NAALADL2: variants seen among roughly 807,000 people sequenced by gnomAD.
The protein encoded by NAALADL2 is inactive N-acetylated-alpha-linked acidic dipeptidase-like protein 2.
Under a neutral mutation model 87.2 loss-of-function variants are expected in NAALADL2, and 76 were observed. That is an observed-to-expected ratio of 0.87 (90% CI 0.72 to 1.05). The LOEUF is 1.05. Ranked by LOEUF, NAALADL2 falls within the 50% of genes least tolerant of loss-of-function variation. The pLI is 0.00. For synonymous variants in NAALADL2, 354 were observed against 331.0 expected, an observed-to-expected ratio of 1.07 and a Z score of -0.75; for missense variants, 1,089 against 945.8, an observed-to-expected ratio of 1.15 and a Z score of -1.99.
chr3:175,678,714 G>C (rs140264076), intron 11 of NAALADL2, among the ~76,000 whole-genome samples: 4,316 of 152,246 alleles, frequency 0.028, 99 homozygotes, highest in Non-Finnish European at 0.04. Context: ...TCACACACCA[G>C]GGCCTGTCGT....
intron 2 of NAALADL2, among the ~76,000 whole-genome samples, chr3:175,226,744 G>T (rs555118691): frequency 5.9e-5 from 9 of 152,018 alleles, no homozygotes; most frequent in Non-Finnish European, 1.3e-4. Flanking sequence ...TTGTTTCATT[G>T]GCATGCCATT....
intron 10 of NAALADL2, among the ~76,000 whole-genome samples, chr3:175,615,985 TATATC>T (rs1025986708): frequency 2.0e-5 from 3 of 147,412 alleles, no homozygotes; most frequent in African/African-American, 4.9e-5. Flanking sequence ...TAATATATAT[TATATC>T]ATATATACAT....
chr3:175,280,575 G>C (rs1754160755), intron 4 of NAALADL2, among the ~76,000 whole-genome samples: 1 of 152,052 alleles, frequency 6.6e-6, no homozygotes, highest in African/African-American at 2.4e-5. Context: ...GATGCTGCTT[G>C]AAGTACATAT....
intron 3 of NAALADL2, among the ~76,000 whole-genome samples, chr3:174,832,298 G>C (rs1722816086): frequency 6.6e-6 from 1 of 151,738 alleles, no homozygotes; most frequent in East Asian, 1.9e-4. Flanking sequence ...CAGAGATTCT[G>C]GTATGTTTTG....
Position 175,205,108 on chromosome 3 carries a change from A to G in NAALADL2, c.546-28823A>G, listed in dbSNP as rs1317985061. On this transcript the variant is annotated intron_variant, in intron 2 of 13. Coordinates refer to ENST00000454872, the MANE Select transcript of NAALADL2 (RefSeq NM_207015.3). ...CAAAGAACTAGAAAAAAACACTTCT[A>G]AAATTCATATGGAACCAAAAAAGTG... Among the ~76,000 whole-genome samples, 7 of 152,316 alleles carry G rather than the reference A, an allele frequency of 4.6e-5. No individual in the cohort carries two copies. The East Asian group carries it at 1.2e-3, about 25-fold the overall frequency.
chr3:174,681,542 C>T (rs1285845137), intron 2 of NAALADL2, among the ~76,000 whole-genome samples: 2 of 152,114 alleles, frequency 1.3e-5, no homozygotes, highest in African/African-American at 2.4e-5. Context: ...ACCTGATACC[C>T]CCATTCCAGG....
intron 11 of NAALADL2, chr3:175,718,728 C>G (rs549474790): frequency 8.0e-7 from 1 of 1,245,706 alleles, no homozygotes; most frequent in South Asian, 1.3e-5. Flanking sequence ...GAGATCAAGA[C>G]CAACCTGGGC....
chr3:175,677,338 G>A (rs1019249892), intron 11 of NAALADL2, among the ~76,000 whole-genome samples: 1 of 151,798 alleles, frequency 6.6e-6, no homozygotes, highest in African/African-American at 2.4e-5. Flanking sequence ...ACTCCAGCCT[G>A]GCAACAGAGT....
chr3:175,279,298 T>C (rs962498004), intron 4 of NAALADL2, among the ~76,000 whole-genome samples: 1 of 152,154 alleles, frequency 6.6e-6, no homozygotes, highest in Non-Finnish European at 1.5e-5. Flanking sequence ...TTGAAATTAC[T>C]AAAATATTCT....
intron 11 of NAALADL2, among the ~76,000 whole-genome samples, chr3:175,715,950 ATCCT>A (rs772246238): frequency 1.3e-5 from 2 of 151,888 alleles, no homozygotes; most frequent in Middle Eastern, 3.4e-3. Context: ...ATCTTTACAA[ATCCT>A]TCATTCATTC....
At chr3:175,540,938 G>T (rs1712208627) in intron 9 of NAALADL2, among the ~76,000 whole-genome samples, 1 of 152,150 alleles carries the variant, frequency 6.6e-6, no homozygotes, top group Admixed American at 6.5e-5. Flanking sequence ...TCAGGAATTG[G>T]ATCAGGTAGG....
chr3:174,741,770 TATCAACTTTTA>T (rs1205652589), intron 3 of NAALADL2, among the ~76,000 whole-genome samples: 1 of 151,754 alleles, frequency 6.6e-6, no homozygotes, highest in Admixed American at 6.6e-5. Context: ...ATTTCAAAGA[TATCAACTTTTA>T]ATCATATTAA....
At chr3:175,148,404 G>A (rs532183669) in intron 2 of NAALADL2, among the ~76,000 whole-genome samples, 2 of 151,926 alleles carry the variant, frequency 1.3e-5, no homozygotes, top group Non-Finnish European at 2.9e-5. Context: ...TGTTGATTTT[G>A]TTGATAGTTT....
chr3:174,711,281 C>T (rs1730601375), intron 2 of NAALADL2, among the ~76,000 whole-genome samples: 1 of 152,156 alleles, frequency 6.6e-6, no homozygotes, highest in Non-Finnish European at 1.5e-5. Flanking sequence ...CATTGGAAGC[C>T]ACATTTTGAG....
intron 1 of NAALADL2, among the ~76,000 whole-genome samples, chr3:174,943,498 G>A (rs1482628283): frequency 6.6e-6 from 1 of 152,140 alleles, no homozygotes; most frequent in Non-Finnish European, 1.5e-5. Flanking sequence ...TCATGGCTTG[G>A]CACTTCTGGG....
At chr3:174,472,913 C>T (rs142934656) in intron 1 of NAALADL2, among the ~76,000 whole-genome samples, 24 of 152,128 alleles carry the variant, frequency 1.6e-4, no homozygotes, top group East Asian at 5.8e-4. Flanking sequence ...AGTATCATTA[C>T]GTTCAATGAG....
At chr3:174,708,585 G>T (rs1028671969) in intron 2 of NAALADL2, among the ~76,000 whole-genome samples, 11 of 152,114 alleles carry the variant, frequency 7.2e-5, no homozygotes, top group African/African-American at 2.4e-4. Context: ...TGAAACCCAA[G>T]TTTATAAATT....
chr3:175,732,562 G>A (rs994512025), intron 11 of NAALADL2, among the ~76,000 whole-genome samples: 3 of 152,130 alleles, frequency 2.0e-5, no homozygotes, highest in Non-Finnish European at 4.4e-5. Flanking sequence ...AGGTAATTAT[G>A]TTCCTCTTTG....
intron 11 of NAALADL2, among the ~76,000 whole-genome samples, chr3:175,715,483 A>G (rs1284617353): frequency 6.6e-6 from 1 of 152,188 alleles, no homozygotes; most frequent in Non-Finnish European, 1.5e-5. Context: ...TGTAAATGTT[A>G]TTATTAGATG....
Sources: gnomAD v4.1 joint callset for allele counts (sites outside exome capture counted in the v4.1 genomes callset) on GRCh38, gnomAD v4.1.1 for gene constraint, MANE v1.5 for transcripts, NCBI Gene and HGNC (gene_info 2026-07-23, HGNC 2026-07-21) for gene names.